The following ARRDC4 variants were observed in gnomAD, a reference collection of about 807,000 sequenced individuals.
ARRDC4 encodes arrestin domain containing 4, also known as arrestin domain-containing protein 4.
A neutral mutation model predicts 44.6 loss-of-function variants in ARRDC4; 40 were observed. The observed-to-expected ratio is 0.90, with a 90% CI of 0.70 to 1.17. ARRDC4 has a LOEUF of 1.17. ARRDC4 is among the 50% of genes most tolerant of loss of function. The pLI, the probability that ARRDC4 is intolerant of heterozygous loss-of-function variation, is 0.00. For synonymous variants in ARRDC4, 211 were observed against 221.2 expected, an observed-to-expected ratio of 0.95 and a Z score of 0.41; for missense variants, 550 against 559.1, an observed-to-expected ratio of 0.98 and a Z score of 0.16.
rs1899544149 is a variant in ARRDC4, at chr15:97,973,185, T to C, written c.*1998T>C. 6.6e-6 allele frequency: 1 copy of C among 152,410 alleles called. No homozygotes were observed. The highest frequency in any genetic ancestry group is 2.4e-5 in the African/African-American group (1 of 41,452). 9.4% of individuals were successfully genotyped at this position (152,410 alleles called of 1,614,324 possible). On this transcript the variant is annotated 3_prime_UTR_variant, in exon 8 of 8. Transcript: ENST00000268042. ...TGTTCGACTCCATGATACTAAAACA[T>C]AATGAAAGAAACAAACTCCAGTATG... is the stretch of plus-strand genomic sequence containing the variant.
Position 97,969,955 on chromosome 15 carries a change from A to G in ARRDC4, c.955A>G (p.Asn319Asp). 1.2e-6 allele frequency: 2 copies of G among 1,612,474 alleles called. No homozygotes were observed. Among genetic ancestry groups the G allele is most frequent in the Non-Finnish European group, 1.7e-6 (2 of 1,179,416 alleles). ...LPLVIGTIPY[N>D]GFGSRNSSIA... ...ATTAGTGATCGGTACAATTCCATAT[A>G]ATGGTTTTGGCAGCAGAAACTCCAG... Residue 319 changes from asparagine to aspartate, a missense_variant, in exon 6 of 8, where the codon AAT (asparagine) becomes GAT (aspartate). Coordinates refer to ENST00000268042, the MANE Select transcript of ARRDC4 (RefSeq NM_183376.3).
In ARRDC4 at chr15:97,965,619, A is replaced by C; in HGVS notation, c.327A>C (p.Leu109Phe). The C allele has an allele frequency of 6.2e-7, 1 of 1,612,694 alleles. No homozygotes were observed. The change falls in exon 2 of 8, where the codon TTA (leucine) becomes TTC (phenylalanine). Residue 109 changes from leucine (L) to phenylalanine (F), a missense_variant. By Grantham distance (22) the Leu-to-Phe change is conservative. Coordinates refer to ENST00000268042, the MANE Select transcript of ARRDC4 (RefSeq NM_183376.3). The surrounding 1 kb of genome is among the most constrained non-coding windows in gnomAD (Gnocchi z 5.1). ...EPPAGEGIIL[L>F]QPGKHEFPFR... ...TTATAGGTGAAGGCATCATTTTATT[A>C]CAGCCTGGAAAACATGAATTTCCAT...
chr15:97,963,901 A>G (rs1490896345), intron 1 of ARRDC4, among the ~76,000 whole-genome samples: 1 of 152,132 alleles, frequency 6.6e-6, no homozygotes, highest in Non-Finnish European at 1.5e-5. Flanking sequence ...CTTTCACTCC[A>G]CAGCTGTCAG....
intron 1 of ARRDC4, among the ~76,000 whole-genome samples, chr15:97,962,458 A>G (rs1899338667): frequency 6.6e-6 from 1 of 152,178 alleles, no homozygotes; most frequent in African/African-American, 2.4e-5. Context: ...TGAGACATAC[A>G]TTGATTTTTG....
Position 97,965,843 on chromosome 15 carries a change from CTTTG to C in ARRDC4, c.375-48_375-45del, listed in dbSNP as rs954909986. On this transcript the variant is annotated intron_variant, in intron 2 of 7. Coordinates refer to ENST00000268042, the MANE Select transcript of ARRDC4 (RefSeq NM_183376.3). This position sits in a 1 kb window ranked among gnomAD's most constrained non-coding sequence, Gnocchi z 5.1. ...ACATTTTAAACCATGCTTTTTTTGG[CTTTG>C]TTTAACTGAAAAGTAAACTCATAAT... is the stretch of plus-strand genomic sequence containing the variant. 4.2e-5 allele frequency: 66 copies of C among 1,583,988 alleles called. No homozygotes were observed. The East Asian group carries it at 4.3e-4, about 10-fold the overall frequency.
rs1364829216 is a variant in ARRDC4, at chr15:97,970,473, G to C, written c.1046-116G>C. 8.1e-6 allele frequency: 9 copies of C among 1,105,430 alleles called. No homozygotes were observed. The highest frequency in any genetic ancestry group is 5.0e-5 in the South Asian group (3 of 60,124). 68.5% of individuals were successfully genotyped at this position (1,105,430 alleles called of 1,614,324 possible). A position where few individuals can be genotyped will look rare whatever the true frequency, so the allele number is the denominator to read the frequency against. The stretch of plus-strand genomic sequence containing the variant: ...TGCATAAAACCTTGCTGATTAGAGG[G>C]AAAGAATGCCATATTTTTTATCTTC... On this transcript the variant is annotated intron_variant, in intron 6 of 7. Transcript: ENST00000268042. This position sits in a 1 kb window ranked among gnomAD's most constrained non-coding sequence, Gnocchi z 4.2.
chr15:97,965,469 G>T lies in ARRDC4; in HGVS notation c.308-131G>T, dbSNP rs573313704. ...CCTTCAAACTTAATTCTCTACATTT[G>T]TTTAATGAACTTTTGGAGTATGCTG... On this transcript the variant is annotated intron_variant, in intron 1 of 7. Transcript: ENST00000268042. The surrounding 1 kb of genome is among the most constrained non-coding windows in gnomAD (Gnocchi z 5.1). 2.7e-6 allele frequency: 2 copies of T among 731,924 alleles called. No homozygotes were observed. The highest frequency in any genetic ancestry group is 3.5e-5 in the African/African-American group (2 of 56,722). The allele number at this position is 731,924 out of a possible 1,614,324, so 45.3% of individuals were successfully genotyped here.
chr15:97,961,017 G>T lies in ARRDC4; in HGVS notation c.156G>T (p.Leu52=). Residue 52 remains leucine, a synonymous_variant, in exon 1 of 8, where the codon CTG becomes CTT. Coordinates refer to ENST00000268042, the MANE Select transcript of ARRDC4 (RefSeq NM_183376.3). ...VLLEASEPVA[L]RALRLEAQGR... ...TGGAGGCGTCCGAGCCGGTGGCCCT[G>T]CGCGCGCTGCGCCTGGAGGCCCAGG... The T allele has an allele frequency of 6.9e-7, 1 of 1,438,852 alleles. No individual in the cohort carries two copies. Among genetic ancestry groups the T allele is most frequent in the Non-Finnish European group, 9.1e-7 (1 of 1,095,764 alleles). 89.1% of individuals were successfully genotyped at this position (1,438,852 alleles called of 1,614,324 possible).
rs774043798 is a variant in ARRDC4 at position 97,961,091 on chromosome 15, C to A, written c.230C>A (p.Ala77Asp). Residue 77 changes from alanine (A) to aspartate (D), a missense_variant, in exon 1 of 8, where the codon GCC becomes GAC. Coordinates refer to ENST00000268042, the MANE Select transcript of ARRDC4 (RefSeq NM_183376.3). ...WGPSTCPRAS[A>D]STAALAVFSE... is the part of the protein sequence containing the mutation. ...CCGAGCACCTGCCCCCGCGCCTCGG[C>A]CAGCACCGCGGCCCTGGCTGTCTTC... 1 of 1,445,466 alleles carries A rather than the reference C, an allele frequency of 6.9e-7. No homozygotes were observed. The highest frequency in any genetic ancestry group is 2.4e-4 in the Middle Eastern group (1 of 4,102). The allele number at this position is 1,445,466 out of a possible 1,614,324, so 89.5% of individuals were successfully genotyped here.
In ARRDC4 at chr15:97,960,790, G is replaced by A; in HGVS notation, c.-72G>A. 8.1e-7 allele frequency: 1 copy of A among 1,238,932 alleles called. No individual in the cohort carries two copies. The highest frequency in any genetic ancestry group is 1.0e-6 in the Non-Finnish European group (1 of 986,838). 76.7% of individuals were successfully genotyped at this position (1,238,932 alleles called of 1,614,324 possible). A position where few individuals can be genotyped will look rare whatever the true frequency, so the allele number is the denominator to read the frequency against. ...CCTGCCGCGAGCGCCTGTGACAGCG[G>A]CGCCGCTGTGCTCGCGACCCCGGCT... On this transcript the variant is annotated 5_prime_UTR_variant, in exon 1 of 8. Transcript: ENST00000268042.
At position 97,970,320 on chromosome 15, in the gene ARRDC4, T is replaced by A. The variant is rs751733993; in HGVS notation, c.1046-269T>A. Among the ~76,000 whole-genome samples, 4 of 152,156 alleles carry A rather than the reference T, an allele frequency of 2.6e-5. No individual in the cohort carries two copies. Among genetic ancestry groups the A allele is most frequent in the Non-Finnish European group, 5.9e-5 (4 of 68,020 alleles). ...AGGAAAACAATGAAAAACAGTCAAA[T>A]GTATGGTGTGTTATGTCTTTTCTAT... On this transcript the variant is annotated intron_variant, in intron 6 of 7. Coordinates refer to ENST00000268042, the MANE Select transcript of ARRDC4 (RefSeq NM_183376.3). The surrounding 1 kb of genome is among the most constrained non-coding windows in gnomAD (Gnocchi z 4.2).
Position 97,965,464 on chromosome 15 carries a change from C to A in ARRDC4, c.308-136C>A. 1.4e-6 allele frequency: 1 copy of A among 706,556 alleles called. No homozygotes were observed. Among genetic ancestry groups the A allele is most frequent in the Non-Finnish European group, 2.5e-6 (1 of 403,372 alleles). The allele number at this position is 706,556 out of a possible 1,614,324, so 43.8% of individuals were successfully genotyped here. ...ACCCCCCTTCAAACTTAATTCTCTA[C>A]ATTTGTTTAATGAACTTTTGGAGTA... On this transcript the variant is annotated intron_variant, in intron 1 of 7. Transcript: ENST00000268042. The surrounding 1 kb of genome is among the most constrained non-coding windows in gnomAD (Gnocchi z 5.1).
At chr15:97,963,117 A>AG (rs2141532321) in intron 1 of ARRDC4, among the ~76,000 whole-genome samples, 1 of 152,288 alleles carries the variant, frequency 6.6e-6, no homozygotes, top group Non-Finnish European at 1.5e-5. Flanking sequence ...CCTGAGCCCC[A>AG]GTCTCTGCCT....
At position 97,971,175 on chromosome 15, in the gene ARRDC4, C is replaced by G; in HGVS notation, c.1245C>G (p.Ser415=). The G allele has an allele frequency of 6.2e-7, 1 of 1,613,218 alleles. No homozygotes were observed. Among genetic ancestry groups the G allele is most frequent in the South Asian group, 1.1e-5 (1 of 91,064 alleles). The stretch of plus-strand genomic sequence containing the variant: ...ACGTAGAAGAGAGCCAGCCTGTTTC[C>G]TTCATTCTCTGAACGTATTTCAGAA... ...PSDVEESQPV[S]FIL Residue 415 remains serine, a synonymous_variant, in exon 8 of 8, where the codon TCC becomes TCG. Coordinates refer to ENST00000268042, the MANE Select transcript of ARRDC4 (RefSeq NM_183376.3).
Position 97,968,560 on chromosome 15 carries a change from C to T in ARRDC4, c.625+444C>T, listed in dbSNP as rs972940761. 5.3e-5 allele frequency among the ~76,000 whole-genome samples: 8 copies of T among 152,146 alleles called. No individual in the cohort carries two copies. Among genetic ancestry groups the T allele is most frequent in the Admixed American group, 2.0e-4 (3 of 15,274 alleles). On this transcript the variant is annotated intron_variant, in intron 4 of 7. Transcript: ENST00000268042. This position sits in a 1 kb window ranked among gnomAD's most constrained non-coding sequence, Gnocchi z 5.4. ...ACAATCAGATTGTTACTGGAATTGCCATTAGTGAAGGGCCCATTTCCAGCA... is the reference window on the plus strand; with the variant it reads ...ACAATCAGATTGTTACTGGAATTGCTATTAGTGAAGGGCCCATTTCCAGCA...
chr15:97,966,432 C>T lies in ARRDC4; in HGVS notation c.522+390C>T, dbSNP rs1899421112. 6.6e-6 allele frequency among the ~76,000 whole-genome samples: 1 copy of T among 152,092 alleles called. No individual in the cohort carries two copies. Among genetic ancestry groups the T allele is most frequent in the Non-Finnish European group, 1.5e-5 (1 of 68,024 alleles). On this transcript the variant is annotated intron_variant, in intron 3 of 7. Transcript: ENST00000268042. This position sits in a 1 kb window ranked among gnomAD's most constrained non-coding sequence, Gnocchi z 4.7. Reference sequence around the variant, plus strand: ...TCCTCAATAATAGCAGGTTGAGGAACAGTAATTATGGAAGAGTATTAATCA... The same window carrying T: ...TCCTCAATAATAGCAGGTTGAGGAATAGTAATTATGGAAGAGTATTAATCA...
chr15:97,961,932 T>C (rs1899330830), intron 1 of ARRDC4, among the ~76,000 whole-genome samples: 1 of 152,176 alleles, frequency 6.6e-6, no homozygotes, highest in Non-Finnish European at 1.5e-5. Context: ...AGTGTAGACT[T>C]TTCCAGAAGT....
intron 1 of ARRDC4, among the ~76,000 whole-genome samples, chr15:97,962,364 T>C (rs1899337620): frequency 6.6e-6 from 1 of 152,168 alleles, no homozygotes; most frequent in Admixed American, 6.5e-5. Flanking sequence ...TTCCTCAGTA[T>C]GGCTTCCAGG....
Position 97,966,082 on chromosome 15 carries a change from T to C in ARRDC4, c.522+40T>C, listed in dbSNP as rs1409023348. 5 of 1,598,430 alleles carry C rather than the reference T, an allele frequency of 3.1e-6. No individual in the cohort carries two copies. The highest frequency in any genetic ancestry group is 4.3e-6 in the Non-Finnish European group (5 of 1,169,384). On this transcript the variant is annotated intron_variant, in intron 3 of 7. Transcript: ENST00000268042. The surrounding 1 kb of genome is among the most constrained non-coding windows in gnomAD (Gnocchi z 4.7). ...TTTCTCTTCCTCCTCCTTTTCCTCC[T>C]TCCCTCCCTTCCTCCTTCCTTTCAA... is the stretch of plus-strand genomic sequence containing the variant.
Sources: gnomAD v4.1 joint callset for allele counts (sites outside exome capture counted in the v4.1 genomes callset) on GRCh38, gnomAD v4.1.1 for gene constraint, Gnocchi (gnomAD v3.1) non-coding constraint, MANE v1.5 for transcripts, NCBI Gene and HGNC (gene_info 2026-07-23, HGNC 2026-07-21) for gene names.